Variants in EFNA5 observed in about 807,000 individuals in gnomAD.
EFNA5 encodes ephrin A5.
Under a neutral mutation model 22.9 loss-of-function variants are expected in EFNA5, and 5 were observed. The ratio of observed to expected loss-of-function variants is 0.22; its 90% CI spans 0.11 to 0.46. The LOEUF (loss-of-function observed/expected upper bound fraction) is 0.46. EFNA5 is among the 20% of genes least tolerant of loss of function. The probability of loss-of-function intolerance (pLI) is 0.99; values close to 1 mark genes in which losing one functional copy is unlikely to be tolerated. For synonymous variants in EFNA5, 113 were observed against 112.2 expected, an observed-to-expected ratio of 1.01 and a Z score of -0.04; for missense variants, 237 against 293.3, an observed-to-expected ratio of 0.81 and a Z score of 1.40.
intron 1 of EFNA5, among the ~76,000 whole-genome samples, chr5:107,473,520 G>A (rs1750199240): frequency 6.6e-6 from 1 of 152,104 alleles, no homozygotes; most frequent in African/African-American, 2.4e-5. Context: ...TCTCAAAGCA[G>A]AAGGAATCTG....
chr5:107,503,495 C>T (rs1486905360), intron 1 of EFNA5, among the ~76,000 whole-genome samples: 2 of 152,190 alleles, frequency 1.3e-5, no homozygotes, highest in Admixed American at 1.3e-4. Flanking sequence ...TCATTCGTTG[C>T]TCAGAATACA....
chr5:107,513,212 GAA>G (rs908629119), intron 1 of EFNA5, among the ~76,000 whole-genome samples: 1 of 152,178 alleles, frequency 6.6e-6, no homozygotes. Flanking sequence ...TTGGGGCTGG[GAA>G]AAGAGGGGCA....
chr5:107,411,924 C>G (rs1381250561), intron 2 of EFNA5, among the ~76,000 whole-genome samples: 1 of 152,108 alleles, frequency 6.6e-6, no homozygotes, highest in Non-Finnish European at 1.5e-5. Flanking sequence ...AAATGGAGAA[C>G]CTTAATGAAT....
At position 107,445,276 on chromosome 5, in the gene EFNA5, G is replaced by C. The variant is rs191046132; in HGVS notation, c.126-17767C>G. On this transcript the variant is annotated intron_variant, in intron 1 of 4. Coordinates refer to ENST00000333274, the MANE Select transcript of EFNA5 (RefSeq NM_001962.3). Reference sequence around the variant, plus strand: ...GACCACAAGTGATCTGCCTGGCTGGGCCTCCCAAAGTGCTGGGATTACAGG... The same window carrying C: ...GACCACAAGTGATCTGCCTGGCTGGCCCTCCCAAAGTGCTGGGATTACAGG... Among the ~76,000 whole-genome samples the C allele has an allele frequency of 2.0e-5, 3 of 152,282 alleles. No homozygotes were observed. In the East Asian group the frequency reaches 5.8e-4, roughly 29 times the overall value.
At position 107,380,703 on chromosome 5, in the gene EFNA5, C is replaced by T. The variant is rs1001356743; in HGVS notation, c.*552G>A. The T allele has an allele frequency of 2.7e-4, 108 of 398,106 alleles. 1 individual carries two copies. Among genetic ancestry groups the T allele is most frequent in the Admixed American group, 6.6e-4 (15 of 22,710 alleles). 24.7% of individuals were successfully genotyped at this position (398,106 alleles called of 1,614,324 possible). A position where few individuals can be genotyped will look rare whatever the true frequency, so the allele number is the denominator to read the frequency against. ...TAGAAGCCTGTTCATTTACATACTC[C>T]TATAGGAAATGGTGTAATATCGTAT... On this transcript the variant is annotated 3_prime_UTR_variant, in exon 5 of 5. Transcript: ENST00000333274.
At chr5:107,654,897 A>C (rs1162201945) in intron 1 of EFNA5, among the ~76,000 whole-genome samples, 1 of 152,100 alleles carries the variant, frequency 6.6e-6, no homozygotes, top group East Asian at 1.9e-4. Flanking sequence ...TACATTATTT[A>C]CCATATTAAT....
intron 1 of EFNA5, among the ~76,000 whole-genome samples, chr5:107,499,507 C>CTAGGGCTGTCATTGTTTTCTTT (rs1461653447): frequency 3.9e-5 from 6 of 152,212 alleles, no homozygotes; most frequent in Admixed American, 1.3e-4. Flanking sequence ...CAAAGAATTC[C>CTAGGGCTGTCATTGTTTTCTTT]TGTGTTTCCA....
At chr5:107,655,976 C>T (rs1750812174) in intron 1 of EFNA5, among the ~76,000 whole-genome samples, 1 of 152,160 alleles carries the variant, frequency 6.6e-6, no homozygotes, top group Non-Finnish European at 1.5e-5. Context: ...CCCTGCTCTT[C>T]TGGCAGCAGA....
intron 1 of EFNA5, among the ~76,000 whole-genome samples, chr5:107,447,592 C>G (rs777255657): frequency 1.6e-4 from 25 of 152,082 alleles, no homozygotes; most frequent in Non-Finnish European, 3.7e-4. Flanking sequence ...GTAAGAGAAA[C>G]GTCTACCAAA....
intron 1 of EFNA5, among the ~76,000 whole-genome samples, chr5:107,428,621 G>A (rs1440591666): frequency 6.6e-6 from 1 of 152,184 alleles, no homozygotes; most frequent in East Asian, 1.9e-4. Context: ...TTTGTTTTTA[G>A]CTGGTGAGGA....
chr5:107,598,449 T>A (rs894789880), intron 1 of EFNA5, among the ~76,000 whole-genome samples: 1 of 151,854 alleles, frequency 6.6e-6, no homozygotes, highest in Non-Finnish European at 1.5e-5. Flanking sequence ...TAGTTATACT[T>A]AATATAGAAA....
chr5:107,511,289 G>A (rs1295600615), intron 1 of EFNA5, among the ~76,000 whole-genome samples: 1 of 152,278 alleles, frequency 6.6e-6, no homozygotes, highest in East Asian at 1.9e-4. Flanking sequence ...GCATCCCAAA[G>A]TGCTGGGATT....
intron 1 of EFNA5, among the ~76,000 whole-genome samples, chr5:107,539,806 G>T (rs921608214): frequency 1.4e-4 from 22 of 152,168 alleles, no homozygotes; most frequent in African/African-American, 5.3e-4. Context: ...CATACCATTG[G>T]TGACTCTATG....
At chr5:107,593,532 C>T (rs777246893) in intron 1 of EFNA5, among the ~76,000 whole-genome samples, 4 of 152,306 alleles carry the variant, frequency 2.6e-5, no homozygotes, top group Admixed American at 2.6e-4. Context: ...AGCAGAGGGG[C>T]TCCACGCTGG....
chr5:107,631,393 C>T (rs1750247814), intron 1 of EFNA5, among the ~76,000 whole-genome samples: 1 of 149,942 alleles, frequency 6.7e-6, no homozygotes, highest in Non-Finnish European at 1.5e-5. Context: ...TATATATATA[C>T]ATGTGTCTTT....
At chr5:107,565,740 G>A (rs1028664798) in intron 1 of EFNA5, among the ~76,000 whole-genome samples, 1 of 152,012 alleles carries the variant, frequency 6.6e-6, no homozygotes, top group East Asian at 1.9e-4. Context: ...GTGTTAAGGG[G>A]GCATAAATTA....
At chr5:107,450,644 T>C (rs1041119202) in intron 1 of EFNA5, among the ~76,000 whole-genome samples, 2 of 152,232 alleles carry the variant, frequency 1.3e-5, no homozygotes, top group Non-Finnish European at 2.9e-5. Context: ...GCCAGGGCAC[T>C]GGATGTATGT....
intron 1 of EFNA5, among the ~76,000 whole-genome samples, chr5:107,567,111 C>T (rs182582154): frequency 1.8e-4 from 28 of 152,204 alleles, no homozygotes; most frequent in East Asian, 9.7e-4. Context: ...ATAAGCAAAA[C>T]GAGAAAGAGT....
At chr5:107,622,873 T>G (rs1275574869) in intron 1 of EFNA5, among the ~76,000 whole-genome samples, 2 of 149,400 alleles carry the variant, frequency 1.3e-5, no homozygotes, top group African/African-American at 4.9e-5. Flanking sequence ...TACAAAAAAT[T>G]AGCCGGGCGC....
Sources: allele counts gnomAD v4.1 joint callset (sites outside exome capture counted in the v4.1 genomes callset), GRCh38; gene constraint gnomAD v4.1.1; transcripts MANE v1.5; gene names NCBI Gene and HGNC (gene_info 2026-07-23, HGNC 2026-07-21).